RALGAPA2: variants seen among roughly 807,000 people sequenced by gnomAD.
RALGAPA2 encodes ral GTPase-activating protein subunit alpha-2.
In RALGAPA2, 139 loss-of-function variants were observed where a neutral mutation model predicts 230.4. That is an observed-to-expected ratio of 0.60 (90% CI 0.53 to 0.69). RALGAPA2 has a LOEUF of 0.69. RALGAPA2 is among the 30% of genes least tolerant of loss of function. The probability of loss-of-function intolerance (pLI) is 0.00; values close to 1 mark genes in which losing one functional copy is unlikely to be tolerated. For missense variants in RALGAPA2, 2,163 were observed against 2,276.0 expected (o/e 0.95, Z 1.01); for synonymous variants, 847 against 837.8 (o/e 1.01, Z -0.19).
chr20:20,692,832 C>T (rs2068962941), intron 1 of RALGAPA2, among the ~76,000 whole-genome samples: 2 of 152,178 alleles, frequency 1.3e-5, no homozygotes, highest in South Asian at 2.1e-4. Context: ...TCAACATCAC[C>T]GAACTCATGA....
intron 37 of RALGAPA2, among the ~76,000 whole-genome samples, chr20:20,462,544 C>G (rs186014461): frequency 6.6e-6 from 1 of 152,232 alleles, no homozygotes; most frequent in East Asian, 1.9e-4. Context: ...GTATCTGAAG[C>G]ACAAAATTCA....
intron 30 of RALGAPA2, 73 bp downstream of exon 30, chr20:20,524,333 A>G (rs56098181): frequency 0.055 from 85,433 of 1,561,370 alleles, 2,671 homozygotes; most frequent in Non-Finnish European, 0.064. Flanking sequence ...AAGTACATGC[A>G]TAAGACATAT....
intron 3 of RALGAPA2, among the ~76,000 whole-genome samples, chr20:20,663,401 T>C (rs1000997569): frequency 1.3e-5 from 2 of 152,168 alleles, no homozygotes; most frequent in African/African-American, 4.8e-5. Context: ...TGCACAAATT[T>C]CTTTTTCCTT....
At chr20:20,393,393 C>T (rs1265270617) in intron 39 of RALGAPA2, 140 bp from the exon 40 acceptor site, 6 of 487,674 alleles carry the variant, frequency 1.2e-5, no homozygotes, top group South Asian at 2.5e-5. Flanking sequence ...CACGCTATGC[C>T]GGCAAAGATG....
chr20:20,401,445 C>T (rs2059835694), intron 38 of RALGAPA2, among the ~76,000 whole-genome samples: 1 of 152,170 alleles, frequency 6.6e-6, no homozygotes, highest in African/African-American at 2.4e-5. Flanking sequence ...ACTGCTGGCA[C>T]ACTGCTTTTC....
chr20:20,446,418 C>T (rs1246038923), intron 37 of RALGAPA2, among the ~76,000 whole-genome samples: 1 of 152,186 alleles, frequency 6.6e-6, no homozygotes, highest in African/African-American at 2.4e-5. Context: ...TCAAACTATT[C>T]TGCTGCCATT....
chr20:20,444,243 G>A lies in RALGAPA2; in HGVS notation c.5495+28586C>T, dbSNP rs376260449. Among the ~76,000 whole-genome samples, 36 of 152,242 alleles carry A rather than the reference G, an allele frequency of 2.4e-4. No homozygotes were observed. The South Asian group carries it at 6.4e-3, about 27-fold the overall frequency. ...TGTAAGCAAGAAATGTGTCAGATAC[G>A]TGTTAAAAAGGAATGCAAATTCACG... On this transcript the variant is annotated intron_variant, in intron 37 of 39. Transcript: ENST00000202677.
chr20:20,543,708 C>T (rs796850997), intron 24 of RALGAPA2, among the ~76,000 whole-genome samples: 5 of 152,198 alleles, frequency 3.3e-5, no homozygotes, highest in African/African-American at 1.2e-4. Context: ...GGAAGGGGAA[C>T]ATCACACACC....
intron 23 of RALGAPA2, among the ~76,000 whole-genome samples, chr20:20,562,988 T>C (rs1446267540): frequency 6.6e-6 from 1 of 152,208 alleles, no homozygotes; most frequent in Non-Finnish European, 1.5e-5. Flanking sequence ...CACAAAACCT[T>C]GTGGAAAACA....
intron 1 of RALGAPA2, among the ~76,000 whole-genome samples, chr20:20,695,288 T>A (rs2146946345): frequency 6.6e-6 from 1 of 152,352 alleles, no homozygotes; most frequent in African/African-American, 2.4e-5. Context: ...GGAGAAGCTT[T>A]GCTGTTTTTG....
chr20:20,461,931 AC>A, intron 37 of RALGAPA2, among the ~76,000 whole-genome samples: 1 of 152,166 alleles, frequency 6.6e-6, no homozygotes, highest in Non-Finnish European at 1.5e-5. Context: ...TGACAAGCAG[AC>A]CCTGAGGTTT....
At chr20:20,522,263 A>C (rs1399282181) in intron 30 of RALGAPA2, among the ~76,000 whole-genome samples, 1 of 152,216 alleles carries the variant, frequency 6.6e-6, no homozygotes, top group African/African-American at 2.4e-5. Flanking sequence ...AAAAAAAAAA[A>C]AAACCTTGAA....
In RALGAPA2 at chr20:20,513,201, G is replaced by T; in HGVS notation, c.4168C>A (p.Pro1390Thr). Residue 1390 changes from proline (P) to threonine (T), a missense_variant, in exon 32 of 40, where the codon CCC becomes ACC. Transcript: ENST00000202677. The part of the protein sequence containing the change: ...AHLVNHLGHY[P>T]LSGGPAILHS... ...AGTATGGCAGGGCCCCCACTGAGGG[G>T]GTAGTGCCCCAGGTGGTTCACCAGG... is the stretch of plus-strand genomic sequence containing the variant. The T allele has an allele frequency of 6.6e-7, 1 of 1,523,972 alleles. No homozygotes were observed. The highest frequency in any genetic ancestry group is 1.3e-5 in the South Asian group (1 of 74,898). 94.4% of individuals were successfully genotyped at this position (1,523,972 alleles called of 1,614,324 possible).
chr20:20,541,516 A>G (rs1568556657), intron 24 of RALGAPA2, among the ~76,000 whole-genome samples: 1 of 152,154 alleles, frequency 6.6e-6, no homozygotes. Flanking sequence ...AATAACAGAT[A>G]TGGCCACTAA....
At chr20:20,667,498 T>C (rs1173599867) in intron 3 of RALGAPA2, among the ~76,000 whole-genome samples, 1 of 152,198 alleles carries the variant, frequency 6.6e-6, no homozygotes, top group East Asian at 1.9e-4. Flanking sequence ...TATAGGCGTG[T>C]AATAAATCGC....
At chr20:20,566,456 T>G (rs1475177173) in intron 23 of RALGAPA2, among the ~76,000 whole-genome samples, 1 of 152,222 alleles carries the variant, frequency 6.6e-6, no homozygotes, top group African/African-American at 2.4e-5. Flanking sequence ...TGCCTAGTTA[T>G]GTTTTTTAGT....
chr20:20,533,771 C>T (rs2063427635), intron 26 of RALGAPA2, among the ~76,000 whole-genome samples: 2 of 152,030 alleles, frequency 1.3e-5, no homozygotes, highest in African/African-American at 4.8e-5. Flanking sequence ...TCAAAGACTG[C>T]TGTAAGACAT....
At position 20,398,528 on chromosome 20, in the gene RALGAPA2, C is replaced by T. The variant is rs139435597; in HGVS notation, c.5618-1794G>A. 1.1e-4 allele frequency among the ~76,000 whole-genome samples: 17 copies of T among 152,278 alleles called. No individual in the cohort carries two copies. The highest frequency in any genetic ancestry group is 1.9e-4 in the Non-Finnish European group (13 of 68,030). ...TCAAATGTCACTTGCCCTTGACACACGGCGGTGCTCCCAAAGGGTGGGGTT... is the reference window on the plus strand; with the variant it reads ...TCAAATGTCACTTGCCCTTGACACATGGCGGTGCTCCCAAAGGGTGGGGTT... On this transcript the variant is annotated intron_variant, in intron 38 of 39. Transcript: ENST00000202677. The surrounding 1 kb of genome is among the most constrained non-coding windows in gnomAD (Gnocchi z 4.5).
intron 23 of RALGAPA2, among the ~76,000 whole-genome samples, chr20:20,564,991 T>C (rs2064369087): frequency 6.6e-6 from 1 of 152,234 alleles, no homozygotes; most frequent in South Asian, 2.1e-4. Context: ...CTAAAGTTCC[T>C]CTACTGATAC....
Sources: gnomAD v4.1 joint callset for allele counts (sites outside exome capture counted in the v4.1 genomes callset) on GRCh38, gnomAD v4.1.1 for gene constraint, Gnocchi (gnomAD v3.1) non-coding constraint, MANE v1.5 for transcripts, NCBI Gene and HGNC (gene_info 2026-07-23, HGNC 2026-07-21) for gene names.